Variants in PIK3CA observed in about 807,000 individuals in gnomAD.
PIK3CA encodes phosphatidylinositol 4,5-bisphosphate 3-kinase catalytic subunit alpha isoform.
In PIK3CA, 27 loss-of-function variants were observed where a neutral mutation model predicts 138.2. That is an observed-to-expected ratio of 0.20 (90% confidence interval 0.14 to 0.27). The LOEUF is 0.27. Among genes scored for constraint, PIK3CA ranks in the 10% least tolerant of loss-of-function variants. The probability of loss-of-function intolerance (pLI) is 1.00; values close to 1 mark genes in which losing one functional copy is unlikely to be tolerated. For synonymous variants in PIK3CA, 358 were observed against 413.2 expected, an observed-to-expected ratio of 0.87 and a Z score of 1.62; for missense variants, 544 against 1,277.4, an observed-to-expected ratio of 0.43 and a Z score of 8.75.
At chr3:179,153,289 A>G (rs779499313) in intron 1 of PIK3CA, among the ~76,000 whole-genome samples, 6 of 152,206 alleles carry the variant, frequency 3.9e-5, no homozygotes, top group Non-Finnish European at 8.8e-5. Flanking sequence ...TGTGTTATAT[A>G]TATCACCTTT....
intron 9 of PIK3CA, among the ~76,000 whole-genome samples, chr3:179,212,818 TTAA>T (rs1724749518): frequency 6.6e-6 from 1 of 152,238 alleles, no homozygotes; most frequent in Non-Finnish European, 1.5e-5. Flanking sequence ...TATGATTTTC[TTAA>T]TAACATTTTA....
Position 179,234,484 on chromosome 3 carries a change from C to T in PIK3CA, c.*120C>T, listed in dbSNP as rs2108430573. ...AATCCATGAACAGCATTAGAATTTA[C>T]AGCAAGAACAGAAATAAAATACTAT... On this transcript the variant is annotated 3_prime_UTR_variant, in exon 21 of 21. Coordinates refer to ENST00000263967, the MANE Select transcript of PIK3CA (RefSeq NM_006218.4). This position sits in a 1 kb window ranked among gnomAD's most constrained non-coding sequence, Gnocchi z 5.1. 1.4e-6 allele frequency: 1 copy of T among 698,152 alleles called. No individual in the cohort carries two copies. The highest frequency in any genetic ancestry group is 2.3e-6 in the Non-Finnish European group (1 of 442,792). 43.2% of individuals were successfully genotyped at this position (698,152 alleles called of 1,614,324 possible).
intron 6 of PIK3CA, among the ~76,000 whole-genome samples, chr3:179,206,023 G>T (rs1333168009): frequency 2.0e-5 from 3 of 150,542 alleles, no homozygotes. Flanking sequence ...CTAAACCACT[G>T]TAGGTCAGAA....
intron 1 of PIK3CA, chr3:179,149,678 T>C (rs1219353342): frequency 2.0e-5 from 3 of 152,128 alleles, no homozygotes; most frequent in African/African-American, 7.2e-5. Flanking sequence ...TTTTGAATCA[T>C]AGTTTGTGTG....
intron 1 of PIK3CA, among the ~76,000 whole-genome samples, chr3:179,159,425 A>G (rs956687688): frequency 2.0e-5 from 3 of 152,226 alleles, no homozygotes; most frequent in African/African-American, 7.2e-5. Flanking sequence ...CTATATGTAC[A>G]CACAAATGTG....
chr3:179,225,900 G>A, intron 16 of PIK3CA, 62 bp from the exon 17 acceptor site: 1 of 802,624 alleles, frequency 1.2e-6, no homozygotes, highest in South Asian at 1.4e-5. Context: ...ACCATGTGAT[G>A]GCGTGATCCC....
intron 1 of PIK3CA, among the ~76,000 whole-genome samples, chr3:179,182,909 G>A (rs1056331159): frequency 6.6e-6 from 1 of 152,156 alleles, no homozygotes; most frequent in Admixed American, 6.5e-5. Flanking sequence ...TGGCTGTATT[G>A]TATTATCGAA....
Position 179,224,068 on chromosome 3 carries a change from T to C in PIK3CA, c.2188-13T>C, listed in dbSNP as rs2108416594. On this transcript the variant is annotated splice_polypyrimidine_tract_variant and intron_variant, in intron 14 of 20. Coordinates refer to ENST00000263967, the MANE Select transcript of PIK3CA (RefSeq NM_006218.4). ...TCAGTTTCTTACTGTGACTATCCTT[T>C]TTTTTTAATCAGGTACAGATGAAGT... 6.9e-7 allele frequency: 1 copy of C among 1,455,858 alleles called. No individual in the cohort carries two copies. The highest frequency in any genetic ancestry group is 9.6e-7 in the Non-Finnish European group (1 of 1,040,928). The allele number at this position is 1,455,858 out of a possible 1,614,324, so 90.2% of individuals were successfully genotyped here. A position where few individuals can be genotyped will look rare whatever the true frequency, so the allele number is the denominator to read the frequency against.
In PIK3CA at chr3:179,219,300, T is replaced by G. The variant is rs1184751098; in HGVS notation, c.1746+23T>G. ...CAGGTAAATGTATGTTTGAGATTAC[T>G]AGATAACTGTTGTACAAATTGGTAT... On this transcript the variant is annotated intron_variant, in intron 11 of 20. Coordinates refer to ENST00000263967, the MANE Select transcript of PIK3CA (RefSeq NM_006218.4). This position sits in a 1 kb window ranked among gnomAD's most constrained non-coding sequence, Gnocchi z 4.2. 1 of 1,336,452 alleles carries G rather than the reference T, an allele frequency of 7.5e-7. No homozygotes were observed. Among genetic ancestry groups the G allele is most frequent in the Admixed American group, 1.7e-5 (1 of 58,934 alleles). 82.8% of individuals were successfully genotyped at this position (1,336,452 alleles called of 1,614,324 possible). A position where few individuals can be genotyped will look rare whatever the true frequency, so the allele number is the denominator to read the frequency against.
Position 179,184,652 on chromosome 3 carries a change from A to G in PIK3CA, c.-76-14098A>G, listed in dbSNP as rs184810252. 5.9e-5 allele frequency among the ~76,000 whole-genome samples: 9 copies of G among 152,312 alleles called. No individual in the cohort carries two copies. In the East Asian group the frequency reaches 1.7e-3, roughly 29 times the overall value. ...TATATTGTATCTGCTGGTGTCCCCAAAGTTGATAGCTTTATTTATTGGACC... is the reference window on the plus strand; with the variant it reads ...TATATTGTATCTGCTGGTGTCCCCAGAGTTGATAGCTTTATTTATTGGACC... On this transcript the variant is annotated intron_variant, in intron 1 of 20. Transcript: ENST00000263967.
intron 1 of PIK3CA, among the ~76,000 whole-genome samples, chr3:179,157,244 T>C (rs1042593843): frequency 1.3e-5 from 2 of 152,178 alleles, no homozygotes; most frequent in African/African-American, 2.4e-5. Flanking sequence ...ATGGCTACTA[T>C]TATTTGCAGT....
chr3:179,163,579 G>A (rs1009289565), intron 1 of PIK3CA, among the ~76,000 whole-genome samples: 19 of 152,104 alleles, frequency 1.2e-4, no homozygotes, highest in Admixed American at 6.6e-5. Flanking sequence ...TGCAGACCAG[G>A]ATTAGAGTTC....
At chr3:179,217,255 T>G (rs143602332) in intron 9 of PIK3CA, among the ~76,000 whole-genome samples, 2,433 of 152,286 alleles carry the variant, frequency 0.016, 91 homozygotes, top group South Asian at 0.13. Flanking sequence ...AGTCATTCTC[T>G]GTTACATCAT....
intron 17 of PIK3CA, among the ~76,000 whole-genome samples, chr3:179,227,150 G>A (rs992531186): frequency 6.6e-6 from 1 of 151,954 alleles, no homozygotes. Flanking sequence ...TTTTAGTCTT[G>A]TATTTTCTGA....
chr3:179,218,798 C>T (rs1724900316), intron 10 of PIK3CA, among the ~76,000 whole-genome samples: 1 of 151,952 alleles, frequency 6.6e-6, no homozygotes, highest in African/African-American at 2.4e-5. Context: ...TGCATTTCTG[C>T]AGAAAGTCCA....
intron 1 of PIK3CA, among the ~76,000 whole-genome samples, chr3:179,150,750 G>GA (rs1722995385): frequency 6.6e-6 from 1 of 152,088 alleles, no homozygotes. Flanking sequence ...AAAAACCAAA[G>GA]AAAAAACCCA....
chr3:179,222,897 G>A (rs1446933056), intron 14 of PIK3CA, among the ~76,000 whole-genome samples: 3 of 152,176 alleles, frequency 2.0e-5, no homozygotes, highest in Non-Finnish European at 4.4e-5. Flanking sequence ...ATTGTAAGTT[G>A]GAGACCATCT....
At chr3:179,197,819 A>C (rs1044108864) in intron 1 of PIK3CA, among the ~76,000 whole-genome samples, 28 of 152,206 alleles carry the variant, frequency 1.8e-4, no homozygotes, top group Admixed American at 1.8e-3. Context: ...GCAAGAAGTA[A>C]ACTTGTGTTT....
chr3:179,172,143 A>G (rs1001242030), intron 1 of PIK3CA, among the ~76,000 whole-genome samples: 2 of 152,138 alleles, frequency 1.3e-5, no homozygotes. Flanking sequence ...TTGAAAAAAA[A>G]GTGATCATCT....
Sources: gnomAD v4.1 joint callset for allele counts (sites outside exome capture counted in the v4.1 genomes callset) on GRCh38, gnomAD v4.1.1 for gene constraint, Gnocchi (gnomAD v3.1) non-coding constraint, MANE v1.5 for transcripts, NCBI Gene and HGNC (gene_info 2026-07-23, HGNC 2026-07-21) for gene names.